FHIP2A: variants seen among roughly 807,000 people sequenced by gnomAD.
FHIP2A encodes the protein family with sequence similarity 160 member B1.
FHIP2A carries 46 observed loss-of-function variants against 93.5 expected under a neutral mutation model. The observed-to-expected ratio is 0.49, with a 90% CI of 0.39 to 0.63. The LOEUF is 0.63. Among genes scored for constraint, FHIP2A ranks in the 20% least tolerant of loss-of-function variants. The pLI, the probability that FHIP2A is intolerant of heterozygous loss-of-function variation, is 0.00. For missense variants in FHIP2A, 769 were observed against 909.7 expected, an observed-to-expected ratio of 0.85 and a Z score of 1.99; for synonymous variants, 332 against 326.5, an observed-to-expected ratio of 1.02 and a Z score of -0.18.
Position 114,850,539 on chromosome 10 carries a change from T to G in FHIP2A, c.1803+1802T>G, listed in dbSNP as rs1189512436. On this transcript the variant is annotated intron_variant, in intron 13 of 16. Coordinates refer to ENST00000369248, the MANE Select transcript of FHIP2A (RefSeq NM_020940.4). ...TTCACAATCCCATTTTTACAAAAAT[T>G]TTTTAAAAAAATTATCCGTGTGTGG... Among the ~76,000 whole-genome samples the G allele has an allele frequency of 4.0e-5, 5 of 124,070 alleles. 1 individual carries two copies. The highest frequency in any genetic ancestry group is 4.0e-4 in the Admixed American group (5 of 12,598). The allele number at this position is 124,070 out of a possible 152,430, so 81.4% of individuals were successfully genotyped here.
intron 5 of FHIP2A, among the ~76,000 whole-genome samples, chr10:114,837,261 T>G (rs2083641531): frequency 6.6e-6 from 1 of 152,164 alleles, no homozygotes; most frequent in East Asian, 1.9e-4. Flanking sequence ...ACACCTGTAA[T>G]CCCAGCATTT....
intron 16 of FHIP2A, among the ~76,000 whole-genome samples, chr10:114,881,845 G>A (rs2083918826): frequency 6.6e-6 from 1 of 152,184 alleles, no homozygotes; most frequent in Non-Finnish European, 1.5e-5. Flanking sequence ...AAGCAAACAT[G>A]ACCAGGTTTA....
downstream of FHIP2A, among the ~76,000 whole-genome samples, chr10:114,865,671 G>C (rs1163354365): frequency 1.3e-5 from 2 of 152,092 alleles, no homozygotes; most frequent in Non-Finnish European, 2.9e-5. Flanking sequence ...TCCAAAACCT[G>C]CTTCAAACTG....
intron 13 of FHIP2A, among the ~76,000 whole-genome samples, chr10:114,853,648 T>C (rs553806295): frequency 3.0e-4 from 46 of 152,360 alleles, no homozygotes; most frequent in South Asian, 1.7e-3. Flanking sequence ...AACCAAAAGC[T>C]ATAAGAAATT....
intron 5 of FHIP2A, among the ~76,000 whole-genome samples, chr10:114,837,840 C>T (rs1312456009): frequency 6.6e-6 from 1 of 152,184 alleles, no homozygotes; most frequent in Non-Finnish European, 1.5e-5. Context: ...GAGATTCATC[C>T]ATGATTTTGT....
rs2083744803 is a variant in FHIP2A, at chr10:114,852,827, TCTTA to T, written c.1804-2367_1804-2364del. On this transcript the variant is annotated intron_variant, in intron 13 of 16. Transcript: ENST00000369248. ...ATTTTCCAGCCTGCTTTTCTATATT[TCTTA>T]CTATGACTTTCACTTGCTATCCAAA... Among the ~76,000 whole-genome samples the T allele has an allele frequency of 3.3e-5, 5 of 152,326 alleles. No individual in the cohort carries two copies. In the South Asian group the frequency reaches 1.0e-3, roughly 32 times the overall value.
intron 14 of FHIP2A, among the ~76,000 whole-genome samples, chr10:114,858,646 C>T (rs889858787): frequency 6.0e-5 from 9 of 150,622 alleles, no homozygotes; most frequent in Admixed American, 5.3e-4. Context: ...TTCCTTCATA[C>T]CTAAAATACA....
downstream of FHIP2A, among the ~76,000 whole-genome samples, chr10:114,869,674 T>C (rs1236413674): frequency 6.6e-6 from 1 of 152,196 alleles, no homozygotes; most frequent in Non-Finnish European, 1.5e-5. Context: ...CAGCTTCAAG[T>C]AAGCCTTTCT....
chr10:114,888,517 C>G (rs1041836513), intron 16 of FHIP2A, among the ~76,000 whole-genome samples: 1 of 152,134 alleles, frequency 6.6e-6, no homozygotes, highest in African/African-American at 2.4e-5. Flanking sequence ...GCAAAGTGTC[C>G]GTAAGATACC....
intron 16 of FHIP2A, among the ~76,000 whole-genome samples, chr10:114,887,758 G>A (rs2083950400): frequency 1.3e-5 from 2 of 152,200 alleles, no homozygotes; most frequent in South Asian, 4.1e-4. Flanking sequence ...ACATATACAA[G>A]GCATTGTACC....
intron 16 of FHIP2A, among the ~76,000 whole-genome samples, chr10:114,871,619 A>C (rs1432042599): frequency 2.0e-5 from 3 of 152,088 alleles, no homozygotes; most frequent in Non-Finnish European, 4.4e-5. Context: ...CCTCTATTAC[A>C]TAATTGCTAT....
intron 16 of FHIP2A, among the ~76,000 whole-genome samples, chr10:114,898,831 A>G (rs1365111920): frequency 6.6e-6 from 1 of 152,240 alleles, no homozygotes; most frequent in Admixed American, 6.5e-5. Flanking sequence ...AGAATTTGGT[A>G]AATCATTGTA....
At chr10:114,855,370 A>ATT in intron 14 of FHIP2A, 30 bp downstream of exon 14, 1 of 1,532,320 alleles carries the variant, frequency 6.5e-7, no homozygotes, top group South Asian at 1.2e-5. Flanking sequence ...TAATTTTCAT[A>ATT]TTTTTTTTTG....
At chr10:114,858,596 T>C (rs2083780180) in intron 14 of FHIP2A, among the ~76,000 whole-genome samples, 1 of 151,922 alleles carries the variant, frequency 6.6e-6, no homozygotes, top group Non-Finnish European at 1.5e-5. Context: ...TTTTTTTTTT[T>C]TTACTAAATG....
intron 14 of FHIP2A, 27 bp from the exon 15 acceptor site, chr10:114,860,722 G>C: frequency 6.5e-7 from 1 of 1,538,028 alleles, no homozygotes; most frequent in Non-Finnish European, 9.0e-7. Flanking sequence ...ATTTTTAAAT[G>C]TCTTTCTGTT....
At chr10:114,843,981 A>C (rs750950389) in intron 7 of FHIP2A, 44 bp downstream of exon 7, 2 of 1,417,520 alleles carry the variant, frequency 1.4e-6, no homozygotes, top group Non-Finnish European at 1.9e-6. Flanking sequence ...TGACTTCTTA[A>C]CACCTACATT....
At chr10:114,848,221 G>A (rs2083713622) in intron 12 of FHIP2A, among the ~76,000 whole-genome samples, 2 of 151,940 alleles carry the variant, frequency 1.3e-5, no homozygotes, top group Non-Finnish European at 2.9e-5. Flanking sequence ...ATTGCATGTG[G>A]CTCAAGATGC....
chr10:114,858,304 T>A (rs2083778555), intron 14 of FHIP2A, among the ~76,000 whole-genome samples: 1 of 152,218 alleles, frequency 6.6e-6, no homozygotes, highest in African/African-American at 2.4e-5. Context: ...GAAATTTATT[T>A]TCATTTTTAC....
At position 114,863,229 on chromosome 10, in the gene FHIP2A, G is replaced by A; in HGVS notation, c.*1689G>A. On this transcript the variant is annotated 3_prime_UTR_variant, in exon 17 of 17. Coordinates refer to ENST00000369248, the MANE Select transcript of FHIP2A (RefSeq NM_020940.4). The stretch of plus-strand genomic sequence containing the variant: ...TTTTCTTTAAATCATTTTGAATGAT[G>A]TGAAGGCATTCAGTTTGCTGTATTT... 2 of 981,700 alleles carry A rather than the reference G, an allele frequency of 2.0e-6. No individual in the cohort carries two copies. Among genetic ancestry groups the A allele is most frequent in the Admixed American group, 6.2e-5 (1 of 16,056 alleles). 60.8% of individuals were successfully genotyped at this position (981,700 alleles called of 1,614,324 possible).
Sources: gnomAD v4.1 joint callset for allele counts (sites outside exome capture counted in the v4.1 genomes callset) on GRCh38, gnomAD v4.1.1 for gene constraint, MANE v1.5 for transcripts, NCBI Gene and HGNC (gene_info 2026-07-23, HGNC 2026-07-21) for gene names.